Variants in CSMD3 observed in about 807,000 individuals in gnomAD.
The protein encoded by CSMD3 is CUB and Sushi multiple domains 3, also known as CUB and sushi domain-containing protein 3.
A neutral mutation model predicts 435.2 loss-of-function variants in CSMD3; 177 were observed. The ratio of observed to expected loss-of-function variants is 0.41; its 90% CI spans 0.36 to 0.46. The LOEUF (loss-of-function observed/expected upper bound fraction) is 0.46, where lower values mean the gene tolerates loss of function less well. Ranked by LOEUF, CSMD3 falls within the 20% of genes least tolerant of loss-of-function variation. The probability of loss-of-function intolerance (pLI) is 0.34; values close to 1 mark genes in which losing one functional copy is unlikely to be tolerated. For synonymous variants in CSMD3, 1,656 were observed against 1,520.5 expected (o/e 1.09, Z -2.07); for missense variants, 4,265 against 4,504.6 (o/e 0.95, Z 1.52).
chr8:112,942,144 T>G (rs1185195120), intron 9 of CSMD3, among the ~76,000 whole-genome samples: 1 of 151,432 alleles, frequency 6.6e-6, no homozygotes, highest in South Asian at 2.1e-4. Context: ...AGTGTTTTTT[T>G]TTACTGTCTC....
intron 5 of CSMD3, among the ~76,000 whole-genome samples, chr8:113,094,205 C>T (rs1347386613): frequency 6.6e-6 from 1 of 152,100 alleles, no homozygotes; most frequent in Admixed American, 6.6e-5. Context: ...TCACTCATTC[C>T]CTAACTTTAG....
rs1161289004 is a variant in CSMD3 at position 113,031,889 on chromosome 8, C to A, written c.918-12710G>T. ...AGTGATTGGATTATGGGGGCAGTTT[C>A]TGCCTGCTGCTCTCATGATAGTGAG... On this transcript the variant is annotated intron_variant, in intron 5 of 70. Transcript: ENST00000297405. Among the ~76,000 whole-genome samples the A allele has an allele frequency of 3.3e-5, 5 of 151,530 alleles. No homozygotes were observed. The East Asian group carries it at 9.7e-4, about 29-fold the overall frequency.
chr8:112,988,203 T>G (rs1249849228), intron 6 of CSMD3, among the ~76,000 whole-genome samples: 1 of 152,050 alleles, frequency 6.6e-6, no homozygotes, highest in Admixed American at 6.6e-5. Flanking sequence ...AAATGTTTCT[T>G]CTACCCTCAC....
chr8:112,611,506 T>A (rs1468378192), intron 22 of CSMD3, among the ~76,000 whole-genome samples: 1 of 152,156 alleles, frequency 6.6e-6, no homozygotes. Context: ...AGAATTTCTA[T>A]AACAAAAATC....
At chr8:112,402,354 T>C (rs1831417935) in intron 35 of CSMD3, among the ~76,000 whole-genome samples, 1 of 152,206 alleles carries the variant, frequency 6.6e-6, no homozygotes, top group Non-Finnish European at 1.5e-5. Context: ...TTCACGTTAA[T>C]TAGCACATTA....
intron 11 of CSMD3, among the ~76,000 whole-genome samples, chr8:112,838,736 C>G (rs2080098155): frequency 6.6e-6 from 1 of 151,568 alleles, no homozygotes; most frequent in East Asian, 1.9e-4. Flanking sequence ...AATTCTAAAA[C>G]TTGGCTGCTT....
At chr8:112,747,577 C>T (rs2077462342) in intron 13 of CSMD3, among the ~76,000 whole-genome samples, 2 of 152,080 alleles carry the variant, frequency 1.3e-5, no homozygotes, top group South Asian at 4.2e-4. Context: ...TATCTTAGTT[C>T]TGAACAGAAG....
intron 12 of CSMD3, among the ~76,000 whole-genome samples, chr8:112,826,708 A>G (rs995343506): frequency 4.6e-5 from 7 of 152,114 alleles, no homozygotes; most frequent in African/African-American, 1.4e-4. Context: ...CAGGATTTGC[A>G]TACTGTTGTG....
chr8:113,435,425 T>C (rs1232042968), intron 1 of CSMD3, among the ~76,000 whole-genome samples: 2 of 152,178 alleles, frequency 1.3e-5, no homozygotes, highest in Admixed American at 1.3e-4. Context: ...AATTATCATT[T>C]CCACTGAATG....
intron 11 of CSMD3, among the ~76,000 whole-genome samples, chr8:112,832,382 C>A (rs2079902174): frequency 6.6e-6 from 1 of 152,106 alleles, no homozygotes; most frequent in African/African-American, 2.4e-5. Flanking sequence ...TAATTAAGAT[C>A]TCTAATCAGT....
At chr8:112,886,505 T>C (rs1371207057) in intron 10 of CSMD3, among the ~76,000 whole-genome samples, 1 of 151,484 alleles carries the variant, frequency 6.6e-6, no homozygotes, top group East Asian at 2.0e-4. Context: ...GCTGAAGTGT[T>C]CAATGCTATA....
chr8:113,268,323 A>G (rs142183317), intron 3 of CSMD3, among the ~76,000 whole-genome samples: 235 of 151,618 alleles, frequency 1.5e-3, no homozygotes, highest in African/African-American at 5.6e-3. Flanking sequence ...GTATAAGTTA[A>G]TATTTTTTCA....
intron 30 of CSMD3, among the ~76,000 whole-genome samples, chr8:112,501,144 C>G (rs1821909673): frequency 6.6e-6 from 1 of 151,630 alleles, no homozygotes. Context: ...TAAACTCACT[C>G]TTCATGTTTG....
chr8:112,715,057 C>CA (rs2076694161), intron 13 of CSMD3, among the ~76,000 whole-genome samples: 4 of 151,662 alleles, frequency 2.6e-5, no homozygotes, highest in African/African-American at 4.8e-5. Context: ...CAGCAGAAGA[C>CA]AAAAAATAAT....
chr8:113,391,782 C>A (rs1430400634), intron 1 of CSMD3, among the ~76,000 whole-genome samples: 1 of 151,046 alleles, frequency 6.6e-6, no homozygotes, highest in Non-Finnish European at 1.5e-5. Flanking sequence ...AAGAACATGG[C>A]AATGATTGCT....
intron 31 of CSMD3, among the ~76,000 whole-genome samples, chr8:112,474,211 A>G (rs1249183308): frequency 6.6e-6 from 1 of 152,142 alleles, no homozygotes; most frequent in African/African-American, 2.4e-5. Context: ...ACTACAGAAG[A>G]ATATTCAACA....
At position 112,362,120 on chromosome 8, in the gene CSMD3, T is replaced by C. The variant is rs369681221; in HGVS notation, c.6137-9586A>G. ...CCAATATGAGTTGGTGTACTATTAATAGTTTGAAGACTTGTAGAAAACTGC... is the reference window on the plus strand; with the variant it reads ...CCAATATGAGTTGGTGTACTATTAACAGTTTGAAGACTTGTAGAAAACTGC... On this transcript the variant is annotated intron_variant, in intron 38 of 70. Transcript: ENST00000297405. Among the ~76,000 whole-genome samples, 14 of 152,094 alleles carry C rather than the reference T, an allele frequency of 9.2e-5. 1 individual carries two copies. The highest frequency in any genetic ancestry group is 2.9e-4 in the African/African-American group (12 of 41,574).
intron 41 of CSMD3, among the ~76,000 whole-genome samples, chr8:112,345,715 AAGTG>A (rs1262190462): frequency 6.6e-6 from 1 of 152,170 alleles, no homozygotes; most frequent in Non-Finnish European, 1.5e-5. Flanking sequence ...AGAGGGTTTT[AAGTG>A]TTCTCACCAT....
intron 24 of CSMD3, among the ~76,000 whole-genome samples, chr8:112,561,436 A>T (rs1008039607): frequency 1.3e-5 from 2 of 151,604 alleles, no homozygotes. Context: ...TTCTCCAAAG[A>T]TATCTAATAT....
Sources: gnomAD v4.1 joint callset for allele counts (sites outside exome capture counted in the v4.1 genomes callset) on GRCh38, gnomAD v4.1.1 for gene constraint, MANE v1.5 for transcripts, NCBI Gene and HGNC (gene_info 2026-07-23, HGNC 2026-07-21) for gene names.